The following NRCAM variants were observed in gnomAD, a reference collection of about 807,000 sequenced individuals.
NRCAM encodes the protein NgCAM-related cell adhesion molecule.
NRCAM carries 83 observed loss-of-function variants against 156.5 expected under a neutral mutation model. The ratio of observed to expected loss-of-function variants is 0.53; its 90% CI spans 0.44 to 0.64. NRCAM has a LOEUF of 0.64. NRCAM is among the 30% of genes least tolerant of loss of function. NRCAM has a pLI of 0.00. For missense variants in NRCAM, 1,417 were observed against 1,597.3 expected (o/e 0.89, Z 1.92); for synonymous variants, 538 against 563.9 (o/e 0.95, Z 0.65).
intron 2 of NRCAM, among the ~76,000 whole-genome samples, chr7:108,396,754 A>T (rs1407236067): frequency 6.6e-6 from 1 of 152,226 alleles, no homozygotes; most frequent in Non-Finnish European, 1.5e-5. Flanking sequence ...AAATGAACAA[A>T]AAAGGTAATA....
intron 3 of NRCAM, among the ~76,000 whole-genome samples, chr7:108,266,266 A>C (rs1343337896): frequency 6.6e-6 from 1 of 152,192 alleles, no homozygotes; most frequent in Non-Finnish European, 1.5e-5. Context: ...AACCATTTTG[A>C]GTCAAATTTC....
At chr7:108,330,885 G>A (rs2099119785) in intron 2 of NRCAM, among the ~76,000 whole-genome samples, 1 of 152,260 alleles carries the variant, frequency 6.6e-6, no homozygotes, top group South Asian at 2.1e-4. Context: ...GCACCAAAAT[G>A]TACACGCAGC....
Position 108,166,954 on chromosome 7 carries a change from C to A in NRCAM, c.3433G>T (p.Val1145Leu), listed in dbSNP as rs376997008. 8 of 1,613,792 alleles carry A rather than the reference C, an allele frequency of 5.0e-6. No individual in the cohort carries two copies. In the African/African-American group the frequency reaches 8.0e-5, roughly 16 times the overall value. Residue 1145 changes from valine (V) to leucine (L), a missense_variant, in exon 30 of 33, where the codon GTG (valine) becomes TTG (leucine). Around this residue, in one of 2 missense-constraint regions of NRCAM, gnomAD observed 179 missense variants for 260.9 expected, o/e 0.69. Transcript: ENST00000379028. ...GTCTCAAACACATCCTCTGAACTCACAAAACCAGAGTCCCCCACAGCACCA... is the reference window on the plus strand; with the variant it reads ...GTCTCAAACACATCCTCTGAACTCAAAAAACCAGAGTCCCCCACAGCACCA... ...RVGAVGDSGF[V>L]SSEDVFETGP... is the part of the protein sequence containing the mutation.
chr7:108,300,981 TA>T (rs1563173078), intron 3 of NRCAM, among the ~76,000 whole-genome samples: 1 of 152,052 alleles, frequency 6.6e-6, no homozygotes, highest in African/African-American at 2.4e-5. Context: ...AATAGTTCTT[TA>T]AAAAAATAAA....
intron 3 of NRCAM, among the ~76,000 whole-genome samples, chr7:108,280,812 G>A (rs1039925081): frequency 9.5e-5 from 14 of 147,134 alleles, no homozygotes; most frequent in African/African-American, 3.6e-4. Flanking sequence ...GTTTTAGTCT[G>A]GGTCTGTATG....
intron 2 of NRCAM, among the ~76,000 whole-genome samples, chr7:108,333,574 T>C (rs1427858260): frequency 6.6e-6 from 1 of 152,210 alleles, no homozygotes; most frequent in Admixed American, 6.5e-5. Flanking sequence ...ATTTAACAAA[T>C]TGTCTTTTAT....
intron 1 of NRCAM, among the ~76,000 whole-genome samples, chr7:108,410,327 A>G (rs1286938495): frequency 6.6e-6 from 1 of 152,194 alleles, no homozygotes; most frequent in East Asian, 1.9e-4. Flanking sequence ...ATGCATTGAT[A>G]CTCATCCCAC....
At chr7:108,306,376 C>A (rs1592614358) in intron 3 of NRCAM, among the ~76,000 whole-genome samples, 1 of 152,204 alleles carries the variant, frequency 6.6e-6, no homozygotes, top group Middle Eastern at 3.4e-3. Context: ...GGTAATTTTT[C>A]TGAATAGCAC....
chr7:108,379,073 G>T (rs1451435997), intron 2 of NRCAM, among the ~76,000 whole-genome samples: 1 of 152,010 alleles, frequency 6.6e-6, no homozygotes, highest in Non-Finnish European at 1.5e-5. Flanking sequence ...TAGGTCTCAG[G>T]ATTTCAAAAT....
At chr7:108,185,139 C>CT (rs1208415096) in intron 20 of NRCAM, among the ~76,000 whole-genome samples, 21 of 152,150 alleles carry the variant, frequency 1.4e-4, no homozygotes, top group African/African-American at 4.8e-4. Flanking sequence ...ACTTCGTTGA[C>CT]TATGACACAA....
At chr7:108,174,002 A>G (rs1323896482) in intron 28 of NRCAM, among the ~76,000 whole-genome samples, 1 of 152,204 alleles carries the variant, frequency 6.6e-6, no homozygotes, top group Admixed American at 6.5e-5. Flanking sequence ...CCACAGTGAC[A>G]TGTCCACTGC....
chr7:108,366,101 C>A (rs570082831), intron 2 of NRCAM, among the ~76,000 whole-genome samples: 1 of 152,274 alleles, frequency 6.6e-6, no homozygotes, highest in East Asian at 1.9e-4. Context: ...GTTCAAGGTG[C>A]CATCTTGGAA....
chr7:108,304,879 A>C (rs1437569742), intron 3 of NRCAM, among the ~76,000 whole-genome samples: 8 of 152,178 alleles, frequency 5.3e-5, no homozygotes, highest in Admixed American at 3.9e-4. Context: ...GCTACATTAC[A>C]AAAAAGAAAA....
At chr7:108,349,936 T>C (rs2099399444) in intron 2 of NRCAM, among the ~76,000 whole-genome samples, 1 of 152,240 alleles carries the variant, frequency 6.6e-6, no homozygotes, top group Non-Finnish European at 1.5e-5. Context: ...AAGTTCTACA[T>C]GACTGGGTTC....
At chr7:108,378,815 A>G (rs555494536) in intron 2 of NRCAM, among the ~76,000 whole-genome samples, 40 of 152,158 alleles carry the variant, frequency 2.6e-4, no homozygotes, top group Admixed American at 7.2e-4. Flanking sequence ...CAAAGTAGGA[A>G]GAAAGAATAG....
At chr7:108,278,427 C>T (rs10464628) in intron 3 of NRCAM, among the ~76,000 whole-genome samples, 7,962 of 152,204 alleles carry the variant, frequency 0.052, 248 homozygotes, top group South Asian at 0.11. Context: ...TTTGTTTACA[C>T]GGTGAGCACA....
At chr7:108,226,163 T>C in intron 9 of NRCAM, 45 bp downstream of exon 9, 1 of 1,393,322 alleles carries the variant, frequency 7.2e-7, no homozygotes, top group South Asian at 1.3e-5. Flanking sequence ...TTGCACATAT[T>C]TGTAAATGTC....
chr7:108,164,252 T>C (rs1323190890), intron 30 of NRCAM, among the ~76,000 whole-genome samples: 1 of 151,656 alleles, frequency 6.6e-6, no homozygotes, highest in African/African-American at 2.4e-5. Context: ...TGAGAGGTCA[T>C]ACCAGTAGTA....
At chr7:108,162,249 G>A (rs2049547296) in intron 30 of NRCAM, among the ~76,000 whole-genome samples, 1 of 152,146 alleles carries the variant, frequency 6.6e-6, no homozygotes, top group South Asian at 2.1e-4. Context: ...TACCAAATCT[G>A]CAAAAATCTT....
Sources: gnomAD v4.1 joint callset for allele counts (sites outside exome capture counted in the v4.1 genomes callset) on GRCh38, gnomAD v4.1.1 for gene constraint, gnomAD v4.1.1 regional missense constraint, MANE v1.5 for transcripts, NCBI Gene and HGNC (gene_info 2026-07-23, HGNC 2026-07-21) for gene names.